The following DLGAP1 variants were observed in gnomAD, a reference collection of about 807,000 sequenced individuals.
DLGAP1 encodes the protein DLG associated protein 1, also known as disks large-associated protein 1.
In DLGAP1, 11 loss-of-function variants were observed where a neutral mutation model predicts 90.8. The ratio of observed to expected loss-of-function variants is 0.12; its 90% CI spans 0.08 to 0.20. The LOEUF (loss-of-function observed/expected upper bound fraction) is 0.20. DLGAP1 is among the 10% of genes least tolerant of loss of function. The pLI is 1.00. For synonymous variants in DLGAP1, 558 were observed against 540.7 expected, an observed-to-expected ratio of 1.03 and a Z score of -0.44; for missense variants, 1,050 against 1,333.8, an observed-to-expected ratio of 0.79 and a Z score of 3.31.
intron 5 of DLGAP1, among the ~76,000 whole-genome samples, chr18:3,754,873 C>T (rs926259040): frequency 7.3e-5 from 11 of 151,268 alleles, no homozygotes; most frequent in East Asian, 1.9e-4. Context: ...TCCAGCGTGG[C>T]GACAGAGCAA....
intron 1 of DLGAP1, among the ~76,000 whole-genome samples, chr18:4,351,761 A>T (rs1351049302): frequency 6.6e-6 from 1 of 152,204 alleles, no homozygotes; most frequent in Non-Finnish European, 1.5e-5. Context: ...TGCAAATTGA[A>T]TCATTAATCA....
At position 3,499,836 on chromosome 18, in the gene DLGAP1, G is replaced by A. The variant is rs1256256411; in HGVS notation, c.2725-442C>T. Reference sequence around the variant, plus strand: ...TCACCGGGTGCAAGCTTGGTTCAGAGCTTAAAAACATCTCCGCTCTGTCCC... The same window carrying A: ...TCACCGGGTGCAAGCTTGGTTCAGAACTTAAAAACATCTCCGCTCTGTCCC... On this transcript the variant is annotated intron_variant, in intron 12 of 12. Coordinates refer to ENST00000315677, the MANE Select transcript of DLGAP1 (RefSeq NM_004746.4). This position sits in a 1 kb window ranked among gnomAD's most constrained non-coding sequence, Gnocchi z 6.4. Among the ~76,000 whole-genome samples the A allele has an allele frequency of 1.3e-5, 2 of 152,104 alleles. No homozygotes were observed. The highest frequency in any genetic ancestry group is 2.4e-5 in the African/African-American group (1 of 41,408).
chr18:4,290,812 A>AT (rs2079827700), intron 1 of DLGAP1, among the ~76,000 whole-genome samples: 1 of 152,188 alleles, frequency 6.6e-6, no homozygotes, highest in Non-Finnish European at 1.5e-5. Context: ...AAACGTGAAA[A>AT]GAAAAACCAA....
intron 2 of DLGAP1, among the ~76,000 whole-genome samples, chr18:4,019,160 A>G (rs181888581): frequency 1.5e-3 from 232 of 152,296 alleles, no homozygotes; most frequent in South Asian, 7.3e-3. Flanking sequence ...TCTTCCTCTG[A>G]GTGTCTGGGC....
At chr18:4,098,119 G>C (rs1228991997) in intron 2 of DLGAP1, among the ~76,000 whole-genome samples, 1 of 152,140 alleles carries the variant, frequency 6.6e-6, no homozygotes, top group Non-Finnish European at 1.5e-5. Context: ...TTGCCATGTT[G>C]CCTAGGCTGG....
chr18:3,733,209 A>G (rs2062509147), intron 6 of DLGAP1, among the ~76,000 whole-genome samples: 1 of 152,208 alleles, frequency 6.6e-6, no homozygotes, highest in African/African-American at 2.4e-5. Context: ...TTACATTGTC[A>G]GAGCAAATAA....
At chr18:3,718,402 C>T (rs2061837647) in intron 7 of DLGAP1, among the ~76,000 whole-genome samples, 1 of 152,024 alleles carries the variant, frequency 6.6e-6, no homozygotes, top group Admixed American at 6.6e-5. Flanking sequence ...TTGTGACTGT[C>T]CATGTGAAAG....
chr18:4,064,487 C>G (rs2075344002), intron 2 of DLGAP1, among the ~76,000 whole-genome samples: 1 of 151,836 alleles, frequency 6.6e-6, no homozygotes, highest in Admixed American at 6.6e-5. Context: ...TTCAAATGAA[C>G]ACAATCAGAA....
At chr18:4,110,024 G>A (rs1351890072) in intron 2 of DLGAP1, among the ~76,000 whole-genome samples, 7 of 151,336 alleles carry the variant, frequency 4.6e-5, no homozygotes, top group East Asian at 1.9e-4. Context: ...CAAAAAAAAA[G>A]GATACACAGA....
intron 2 of DLGAP1, among the ~76,000 whole-genome samples, chr18:4,052,661 T>G (rs1287950307): frequency 6.6e-6 from 1 of 152,226 alleles, no homozygotes. Flanking sequence ...ATTACTTATG[T>G]GAATTTCTGC....
Position 4,228,881 on chromosome 18 carries a change from C to T in DLGAP1, c.-266-77594G>A, listed in dbSNP as rs549534485. On this transcript the variant is annotated intron_variant, in intron 1 of 12. Coordinates refer to ENST00000315677, the MANE Select transcript of DLGAP1 (RefSeq NM_004746.4). ...AAATTTTAAAAAAAGGGCATCCAAA[C>T]TGGAAAAGAAGATGTCAAATTATCC... 2.6e-5 allele frequency among the ~76,000 whole-genome samples: 4 copies of T among 151,908 alleles called. No homozygotes were observed. The South Asian group carries it at 8.3e-4, about 32-fold the overall frequency.
intron 2 of DLGAP1, among the ~76,000 whole-genome samples, chr18:4,098,353 A>G (rs2075718934): frequency 6.6e-6 from 1 of 152,376 alleles, no homozygotes; most frequent in Middle Eastern, 3.4e-3. Context: ...AGAATAAATC[A>G]ATCAACAAAT....
At chr18:4,141,406 G>C (rs2076492576) in intron 2 of DLGAP1, among the ~76,000 whole-genome samples, 1 of 151,836 alleles carries the variant, frequency 6.6e-6, no homozygotes, top group African/African-American at 2.4e-5. Flanking sequence ...GAAAACCCTG[G>C]AAAACAGAAG....
At chr18:4,000,318 C>T (rs7236907) in intron 3 of DLGAP1, among the ~76,000 whole-genome samples, 38,105 of 151,968 alleles carry the variant, frequency 0.25, 4,852 homozygotes, top group Middle Eastern at 0.34. Context: ...CTATTTTCAA[C>T]GGATATGTTT....
At chr18:4,368,893 G>A (rs537936731) in intron 1 of DLGAP1, among the ~76,000 whole-genome samples, 28 of 152,266 alleles carry the variant, frequency 1.8e-4, no homozygotes, top group Admixed American at 3.3e-4. Flanking sequence ...AGACAGACAG[G>A]AGAGTAGAGC....
rs774418257 is a variant in DLGAP1, at chr18:3,879,610, G to A, written c.459C>T (p.His153=). ...TGCCCTTGGACGGCCCCTCCAGGGAGTGCGACTTGGTGAAGAGCTTCTGGA... is the reference window on the plus strand; with the variant it reads ...TGCCCTTGGACGGCCCCTCCAGGGAATGCGACTTGGTGAAGAGCTTCTGGA... ...HSVQKLFTKS[H]SLEGPSKGSV... The change falls in exon 4 of 13, where the codon CAC becomes CAT. Residue 153 remains histidine, a synonymous_variant. Transcript: ENST00000315677. This position sits in a 1 kb window ranked among gnomAD's most constrained non-coding sequence, Gnocchi z 6.6. 9 of 1,603,328 alleles carry A rather than the reference G, an allele frequency of 5.6e-6. No homozygotes were observed. Among genetic ancestry groups the A allele is most frequent in the Non-Finnish European group, 4.2e-6 (5 of 1,178,690 alleles).
intron 5 of DLGAP1, among the ~76,000 whole-genome samples, chr18:3,767,944 G>C (rs1291520327): frequency 6.6e-6 from 1 of 152,056 alleles, no homozygotes; most frequent in Non-Finnish European, 1.5e-5. Flanking sequence ...AAAAGGCATA[G>C]AGTTGGAAAG....
At chr18:3,866,500 T>C (rs948630453) in intron 4 of DLGAP1, among the ~76,000 whole-genome samples, 18 of 152,182 alleles carry the variant, frequency 1.2e-4, no homozygotes, top group African/African-American at 4.3e-4. Flanking sequence ...GGAGAGAATT[T>C]AGATTTGAAA....
chr18:4,402,812 T>C (rs1014225752), intron 1 of DLGAP1, among the ~76,000 whole-genome samples: 34 of 152,242 alleles, frequency 2.2e-4, no homozygotes, highest in African/African-American at 7.5e-4. Flanking sequence ...TTTCACCACA[T>C]CTCTCACCAA....
Sources: gnomAD v4.1 joint callset for allele counts (sites outside exome capture counted in the v4.1 genomes callset) on GRCh38, gnomAD v4.1.1 for gene constraint, Gnocchi (gnomAD v3.1) non-coding constraint, MANE v1.5 for transcripts, NCBI Gene and HGNC (gene_info 2026-07-23, HGNC 2026-07-21) for gene names.